ASIC2: variants seen among roughly 807,000 people sequenced by gnomAD.
ASIC2 encodes acid sensing ion channel subunit 2, also known as acid-sensing ion channel 2.
In ASIC2, 25 loss-of-function variants were observed where a neutral mutation model predicts 57.3. The ratio of observed to expected loss-of-function variants is 0.44; its 90% CI spans 0.32 to 0.61. The LOEUF (loss-of-function observed/expected upper bound fraction) is 0.61. ASIC2 is among the 20% of genes least tolerant of loss of function. ASIC2 has a pLI of 0.06. For synonymous variants in ASIC2, 319 were observed against 307.5 expected (o/e 1.04, Z -0.39); for missense variants, 641 against 738.1 (o/e 0.87, Z 1.52).
At chr17:33,718,654 T>G (rs1408550352) in intron 1 of ASIC2, among the ~76,000 whole-genome samples, 1 of 152,066 alleles carries the variant, frequency 6.6e-6, no homozygotes, top group African/African-American at 2.4e-5. Context: ...CTTCCTAACA[T>G]GCCTCCGCAG....
chr17:33,248,884 C>G (rs1369344598), intron 1 of ASIC2, among the ~76,000 whole-genome samples: 3 of 151,934 alleles, frequency 2.0e-5, no homozygotes, highest in African/African-American at 7.3e-5. Context: ...GTCTTTTTTT[C>G]CAAGCAAGGC....
At chr17:34,040,081 G>A (rs1351794881) in intron 1 of ASIC2, among the ~76,000 whole-genome samples, 2 of 142,120 alleles carry the variant, frequency 1.4e-5, no homozygotes, top group South Asian at 2.2e-4. Context: ...CACGAAGGCC[G>A]CAGATCCCCG....
At chr17:33,440,720 GGAATATATTTTCATATACTT>G (rs1911794327) in intron 1 of ASIC2, among the ~76,000 whole-genome samples, 1 of 151,978 alleles carries the variant, frequency 6.6e-6, no homozygotes, top group Non-Finnish European at 1.5e-5. Context: ...CTAATGATGT[GGAATATATTTTCATATACTT>G]ATTAACTATT....
chr17:33,247,731 A>T (rs970230171), intron 1 of ASIC2, among the ~76,000 whole-genome samples: 65 of 152,298 alleles, frequency 4.3e-4, no homozygotes, highest in Non-Finnish European at 7.6e-4. Context: ...TGGTTGTGTA[A>T]GGACAGGAGG....
At chr17:33,309,974 T>C (rs10432048) in intron 1 of ASIC2, among the ~76,000 whole-genome samples, 36,571 of 146,766 alleles carry the variant, frequency 0.25, 5,520 homozygotes, top group African/African-American at 0.42. Context: ...CAAGATGATG[T>C]ATTTATCAGT....
intron 1 of ASIC2, among the ~76,000 whole-genome samples, chr17:33,486,650 G>A (rs1208074293): frequency 1.3e-5 from 2 of 152,334 alleles, no homozygotes; most frequent in Non-Finnish European, 1.5e-5. Flanking sequence ...TTGTTTTGGA[G>A]GAATGTCCTA....
At chr17:33,349,674 A>G (rs1241632448) in intron 1 of ASIC2, among the ~76,000 whole-genome samples, 1 of 152,214 alleles carries the variant, frequency 6.6e-6, no homozygotes, top group Non-Finnish European at 1.5e-5. Context: ...GCCATGAAAT[A>G]TTGACATATT....
chr17:33,327,785 T>C (rs749443239), intron 1 of ASIC2, among the ~76,000 whole-genome samples: 2 of 152,236 alleles, frequency 1.3e-5, no homozygotes, highest in Non-Finnish European at 2.9e-5. Flanking sequence ...GCTGCGAATG[T>C]GACCTGATTT....
chr17:33,054,311 G>A (rs2091989399), intron 3 of ASIC2, among the ~76,000 whole-genome samples: 1 of 152,128 alleles, frequency 6.6e-6, no homozygotes, highest in Non-Finnish European at 1.5e-5. Context: ...GGGCTCAAAT[G>A]ACTAGACTTC....
At chr17:33,547,025 G>A (rs2141973630) in intron 1 of ASIC2, among the ~76,000 whole-genome samples, 1 of 152,288 alleles carries the variant, frequency 6.6e-6, no homozygotes, top group East Asian at 1.9e-4. Flanking sequence ...ACTTGAGGGT[G>A]CATCAGAACC....
intron 1 of ASIC2, among the ~76,000 whole-genome samples, chr17:33,705,961 T>C (rs762503885): frequency 6.6e-6 from 1 of 152,178 alleles, no homozygotes; most frequent in Non-Finnish European, 1.5e-5. Context: ...CTGGAAATTT[T>C]CTTGATATTT....
intron 1 of ASIC2, among the ~76,000 whole-genome samples, chr17:33,624,964 C>T (rs538930478): frequency 5.3e-5 from 8 of 152,330 alleles, no homozygotes; most frequent in South Asian, 4.1e-4. Context: ...TGAAAAGGCA[C>T]GATAGCCAGC....
intron 3 of ASIC2, among the ~76,000 whole-genome samples, chr17:33,054,057 C>T (rs886601457): frequency 1.3e-5 from 2 of 152,102 alleles, no homozygotes; most frequent in African/African-American, 4.8e-5. Context: ...ATTGTTCTTT[C>T]TGCTTGTCAG....
intron 1 of ASIC2, among the ~76,000 whole-genome samples, chr17:33,396,166 G>C (rs1910069566): frequency 6.6e-6 from 1 of 152,174 alleles, no homozygotes; most frequent in African/African-American, 2.4e-5. Context: ...TACAAATAAA[G>C]AAACAGACCC....
intron 3 of ASIC2, among the ~76,000 whole-genome samples, chr17:33,055,382 C>A (rs538137827): frequency 6.6e-6 from 1 of 151,940 alleles, no homozygotes; most frequent in African/African-American, 2.4e-5. Context: ...CCTCAACTGT[C>A]GCTTCTGGTT....
chr17:33,554,394 G>A (rs1283191486), intron 1 of ASIC2, among the ~76,000 whole-genome samples: 1 of 152,060 alleles, frequency 6.6e-6, no homozygotes, highest in South Asian at 2.1e-4. Context: ...TTGCACGTGT[G>A]CACGTGTGGT....
At chr17:33,169,293 G>A (rs1421890756) in intron 1 of ASIC2, among the ~76,000 whole-genome samples, 1 of 152,182 alleles carries the variant, frequency 6.6e-6, no homozygotes, top group African/African-American at 2.4e-5. Flanking sequence ...GCCCCACTCA[G>A]GGGAGTGGTT....
chr17:33,154,188 T>A (rs533272456), intron 1 of ASIC2, among the ~76,000 whole-genome samples: 1 of 152,282 alleles, frequency 6.6e-6, no homozygotes, highest in South Asian at 2.1e-4. Flanking sequence ...GTTATCTTTT[T>A]GAGAGGCAGG....
At chr17:33,884,782 C>T (rs1914788615) in intron 1 of ASIC2, among the ~76,000 whole-genome samples, 1 of 152,128 alleles carries the variant, frequency 6.6e-6, no homozygotes. Flanking sequence ...TCAATGGTTC[C>T]CTGAAGCCCA....
Sources: allele counts gnomAD v4.1 joint callset (sites outside exome capture counted in the v4.1 genomes callset), GRCh38; gene constraint gnomAD v4.1.1; transcripts MANE v1.5; gene names NCBI Gene and HGNC (gene_info 2026-07-23, HGNC 2026-07-21).